INTS14: variants seen among roughly 807,000 people sequenced by gnomAD.
INTS14 encodes integrator complex subunit 14.
INTS14 carries 27 observed loss-of-function variants against 56.9 expected under a neutral mutation model. That is an observed-to-expected ratio of 0.47 (90% CI 0.35 to 0.65). The LOEUF (loss-of-function observed/expected upper bound fraction) is 0.65, where lower values mean the gene tolerates loss of function less well. Among genes scored for constraint, INTS14 ranks in the 30% least tolerant of loss-of-function variants. INTS14 has a pLI of 0.00. For missense variants in INTS14, 517 were observed against 632.2 expected (o/e 0.82, Z 1.95); for synonymous variants, 207 against 236.2 (o/e 0.88, Z 1.13).
intron 4 of INTS14, 30 bp from the exon 5 acceptor site, chr15:65,599,020 T>A (rs1596257752): frequency 6.5e-7 from 1 of 1,545,212 alleles, no homozygotes; most frequent in Non-Finnish European, 8.8e-7. Flanking sequence ...ACCCTTAAAG[T>A]GGCTGGCACA....
chr15:65,605,102 G>C, intron 3 of INTS14, 27 bp downstream of exon 3: 1 of 1,545,958 alleles, frequency 6.5e-7, no homozygotes, highest in Non-Finnish European at 8.9e-7. Flanking sequence ...TGTTAACTTA[G>C]GGCAATGAAA....
At chr15:65,610,635 C>T in intron 1 of INTS14, 1 of 1,513,606 alleles carries the variant, frequency 6.6e-7, no homozygotes, top group Non-Finnish European at 8.9e-7. Context: ...AACTGATTCT[C>T]AGCAGTCTCG....
chr15:65,607,709 C>T (rs1345888251), intron 1 of INTS14, among the ~76,000 whole-genome samples: 1 of 152,104 alleles, frequency 6.6e-6, no homozygotes, highest in Non-Finnish European at 1.5e-5. Context: ...ATTCAGGTAG[C>T]CCTTAACTTT....
At position 65,606,702 on chromosome 15, in the gene INTS14, C is replaced by G. The variant is rs58828223; in HGVS notation, c.222+457G>C. Among the ~76,000 whole-genome samples the G allele has an allele frequency of 8.9e-3, 1,350 of 152,264 alleles. 23 individuals are homozygous for G. Among genetic ancestry groups the G allele is most frequent in the African/African-American group, 0.031 (1,300 of 41,538 alleles). On this transcript the variant is annotated intron_variant, in intron 2 of 11. Transcript: ENST00000313182. ...ACCTTTGAAAGATAATATCTACCAA[C>G]TGAGATTTAAAAATTATAATTTATT...
intron 9 of INTS14, among the ~76,000 whole-genome samples, chr15:65,589,990 ATT>A (rs2072966141): frequency 6.6e-6 from 1 of 152,200 alleles, no homozygotes; most frequent in East Asian, 1.9e-4. Flanking sequence ...TTCTCTCTGT[ATT>A]ATCTATTTCA....
In INTS14 at chr15:65,581,941, CT is replaced by C; in HGVS notation, c.1305+12del. The C allele has an allele frequency of 6.2e-7, 1 of 1,611,384 alleles. No individual in the cohort carries two copies. Among genetic ancestry groups the C allele is most frequent in the Non-Finnish European group, 8.5e-7 (1 of 1,179,292 alleles). On this transcript the variant is annotated intron_variant, in intron 11 of 11. Transcript: ENST00000313182. ...CCATATATTTTGGGCACATCCTCTT[CT>C]GTCTGTCTCACCTTATAGAATGTCT...
At chr15:65,581,032 T>C (rs2072586643) in intron 11 of INTS14, among the ~76,000 whole-genome samples, 1 of 151,962 alleles carries the variant, frequency 6.6e-6, no homozygotes, top group African/African-American at 2.4e-5. Flanking sequence ...TCACCTGAGG[T>C]CAGGAGTTCG....
intron 1 of INTS14, chr15:65,610,620 T>C: frequency 1.3e-6 from 2 of 1,492,836 alleles, no homozygotes; most frequent in Non-Finnish European, 1.8e-6. Context: ...AGCTCATTCA[T>C]AAAGAACTGA....
chr15:65,607,246 A>C lies in INTS14; in HGVS notation c.135T>G (p.Asn45Lys). 6.2e-7 allele frequency: 1 copy of C among 1,614,204 alleles called. No individual in the cohort carries two copies. Among genetic ancestry groups the C allele is most frequent in the Non-Finnish European group, 8.5e-7 (1 of 1,180,046 alleles). ...LTMLFEHMAT[N>K]YKLEFTALVV... The stretch of plus-strand genomic sequence containing the variant: ...CAAGTGCTGTAAATTCAAGCTTGTA[A>C]TTTGTGGCCATGTGCTCAAACAGCA... The change falls in exon 2 of 12, where the codon AAT (asparagine) becomes AAG (lysine). Residue 45 changes from asparagine to lysine, a missense_variant. Physicochemically the swap from Asn to Lys is moderately conservative, Grantham distance 94 (BLOSUM62 0). Coordinates refer to ENST00000313182, the MANE Select transcript of INTS14 (RefSeq NM_001394796.1).
chr15:65,593,639 C>A, intron 7 of INTS14, 67 bp from the exon 8 acceptor site: 1 of 1,549,104 alleles, frequency 6.5e-7, no homozygotes, highest in Non-Finnish European at 8.7e-7. Context: ...CCAATTTATA[C>A]TCTTGGATGT....
rs1222545510 is a variant in INTS14 at position 65,579,335 on chromosome 15, C to T, written c.*73G>A. 6.4e-7 allele frequency: 1 copy of T among 1,559,428 alleles called. No homozygotes were observed. The highest frequency in any genetic ancestry group is 8.7e-7 in the Non-Finnish European group (1 of 1,150,012). Reference sequence around the variant, plus strand: ...TTTGGGTGGCTATTCTAGAGGTGAACATACTGGAAAGGTTTTTACCTAAAG... The same window carrying T: ...TTTGGGTGGCTATTCTAGAGGTGAATATACTGGAAAGGTTTTTACCTAAAG... On this transcript the variant is annotated 3_prime_UTR_variant, in exon 12 of 12. Transcript: ENST00000313182.
Position 65,598,439 on chromosome 15 carries a change from C to T in INTS14, c.630G>A (p.Thr210=), listed in dbSNP as rs770407914. ...CACACTTGAGAACAGCATGGAAAGG[C>T]GTATATGCCAAATCTATCAGTTTTC... ...MFGKLIDLAY[T]PFHAVLKCGH... is the part of the protein sequence containing the mutation. Residue 210 remains threonine, a synonymous_variant, in exon 6 of 12, where the codon ACG becomes ACA. Coordinates refer to ENST00000313182, the MANE Select transcript of INTS14 (RefSeq NM_001394796.1). 2 of 1,613,716 alleles carry T rather than the reference C, an allele frequency of 1.2e-6. No individual in the cohort carries two copies. The highest frequency in any genetic ancestry group is 1.7e-6 in the Non-Finnish European group (2 of 1,179,796).
intron 9 of INTS14, among the ~76,000 whole-genome samples, chr15:65,590,336 C>T (rs1340916264): frequency 6.6e-6 from 1 of 152,254 alleles, no homozygotes; most frequent in Non-Finnish European, 1.5e-5. Context: ...TGGTATCCCC[C>T]TGTTCTCACT....
intron 8 of INTS14, among the ~76,000 whole-genome samples, chr15:65,593,034 T>C (rs2073083576): frequency 6.6e-6 from 1 of 150,980 alleles, no homozygotes; most frequent in South Asian, 2.1e-4. Context: ...GGTGGGAGGA[T>C]CCTTGAGCCC....
intron 10 of INTS14, among the ~76,000 whole-genome samples, chr15:65,584,347 T>G (rs1229349526): frequency 6.6e-6 from 1 of 152,260 alleles, no homozygotes; most frequent in Non-Finnish European, 1.5e-5. Flanking sequence ...ATACCCATTA[T>G]GTTAGTCAAT....
At chr15:65,604,933 T>C (rs1458823902) in intron 3 of INTS14, among the ~76,000 whole-genome samples, 196 bp downstream of exon 3, 2 of 152,212 alleles carry the variant, frequency 1.3e-5, no homozygotes, top group Admixed American at 6.5e-5. Flanking sequence ...AGGAGGATGC[T>C]TTCCTTAAGG....
chr15:65,605,103 G>A, intron 3 of INTS14, 26 bp downstream of exon 3: 2 of 1,554,736 alleles, frequency 1.3e-6, no homozygotes, highest in South Asian at 1.1e-5. Flanking sequence ...GTTAACTTAG[G>A]GCAATGAAAA....
intron 3 of INTS14, among the ~76,000 whole-genome samples, chr15:65,603,248 G>GT (rs2073506787): frequency 6.6e-6 from 1 of 152,152 alleles, no homozygotes; most frequent in Non-Finnish European, 1.5e-5. Context: ...AAACAGGGAG[G>GT]TTTTCACAAG....
At chr15:65,589,895 T>C (rs1202930123) in intron 9 of INTS14, among the ~76,000 whole-genome samples, 1 of 152,190 alleles carries the variant, frequency 6.6e-6, no homozygotes, top group Admixed American at 6.5e-5. Context: ...TTCAGACTTC[T>C]ACAGAATTGT....
Sources: allele counts gnomAD v4.1 joint callset (sites outside exome capture counted in the v4.1 genomes callset), GRCh38; gene constraint gnomAD v4.1.1; transcripts MANE v1.5; gene names NCBI Gene and HGNC (gene_info 2026-07-23, HGNC 2026-07-21).